SPAG16: variants seen among roughly 807,000 people sequenced by gnomAD.
SPAG16 encodes the protein sperm associated antigen 16.
A neutral mutation model predicts 80.4 loss-of-function variants in SPAG16; 86 were observed. That is an observed-to-expected ratio of 1.07 (90% confidence interval 0.90 to 1.28). The LOEUF is 1.28. Ranked by LOEUF, SPAG16 falls within the 50% of genes most tolerant of loss-of-function variation. The probability of loss-of-function intolerance (pLI) is 0.00; values close to 1 mark genes in which losing one functional copy is unlikely to be tolerated. For missense variants in SPAG16, 870 were observed against 765.3 expected (o/e 1.14, Z -1.61); for synonymous variants, 294 against 265.9 (o/e 1.11, Z -1.03).
At chr2:213,362,972 T>A (rs1409840507) in intron 7 of SPAG16, among the ~76,000 whole-genome samples, 1 of 152,082 alleles carries the variant, frequency 6.6e-6, no homozygotes, top group Non-Finnish European at 1.5e-5. Context: ...ATCCAAACTA[T>A]ATCAGTCTGA....
chr2:213,411,728 G>A (rs909279368), intron 9 of SPAG16, among the ~76,000 whole-genome samples: 2 of 152,066 alleles, frequency 1.3e-5, no homozygotes, highest in East Asian at 1.9e-4. Flanking sequence ...CCTCGCAGCC[G>A]TAATAGGTGT....
intron 11 of SPAG16, among the ~76,000 whole-genome samples, chr2:213,913,031 T>A (rs1053478723): frequency 6.6e-6 from 1 of 152,128 alleles, no homozygotes; most frequent in Admixed American, 6.6e-5. Flanking sequence ...CACTATCTGT[T>A]TTTCTAAACA....
intron 13 of SPAG16, among the ~76,000 whole-genome samples, chr2:214,103,394 G>A (rs7561816): frequency 0.65 from 99,199 of 151,996 alleles, 32,758 homozygotes; most frequent in African/African-American, 0.71. Flanking sequence ...ACATGGCCAC[G>A]CCTGACCTCT....
At chr2:213,287,085 A>G (rs369002570) in intron 1 of SPAG16, among the ~76,000 whole-genome samples, 25 of 151,882 alleles carry the variant, frequency 1.6e-4, no homozygotes, top group Middle Eastern at 3.4e-3. Flanking sequence ...ACAAATATAC[A>G]TTGTTCTTAG....
At chr2:213,832,967 T>A (rs2073760969) in intron 10 of SPAG16, among the ~76,000 whole-genome samples, 1 of 152,162 alleles carries the variant, frequency 6.6e-6, no homozygotes, top group Non-Finnish European at 1.5e-5. Flanking sequence ...CAAATTTTAA[T>A]TCTGCTATGA....
intron 15 of SPAG16, among the ~76,000 whole-genome samples, chr2:214,277,296 G>A (rs546619202): frequency 1.7e-4 from 26 of 152,210 alleles, no homozygotes; most frequent in East Asian, 1.5e-3. Flanking sequence ...CCGTCAACTC[G>A]TCAAAGTTAT....
chr2:213,519,560 C>A (rs1426097671), intron 10 of SPAG16, among the ~76,000 whole-genome samples: 2 of 152,154 alleles, frequency 1.3e-5, no homozygotes, highest in Non-Finnish European at 2.9e-5. Context: ...GTGAGTCTTC[C>A]CCAGCCATAT....
intron 13 of SPAG16, among the ~76,000 whole-genome samples, chr2:214,069,870 A>G (rs1482786847): frequency 1.3e-5 from 2 of 152,136 alleles, no homozygotes; most frequent in Non-Finnish European, 2.9e-5. Context: ...ACAAATGCTT[A>G]GGATAATTAG....
At chr2:213,825,471 A>G (rs1267479282) in intron 10 of SPAG16, among the ~76,000 whole-genome samples, 1 of 152,102 alleles carries the variant, frequency 6.6e-6, no homozygotes, top group African/African-American at 2.4e-5. Flanking sequence ...TTCAGCATCA[A>G]TTGAAATGAT....
In SPAG16 at chr2:214,196,441, G is replaced by A. The variant is rs555225075; in HGVS notation, c.1720+47175G>A. On this transcript the variant is annotated intron_variant, in intron 15 of 15. Transcript: ENST00000331683. ...AAGATAGTAGACACAGAGGCCATCCGTATTGACTGTTTAATAGTTCAGGGA... is the reference window on the plus strand; with the variant it reads ...AAGATAGTAGACACAGAGGCCATCCATATTGACTGTTTAATAGTTCAGGGA... Among the ~76,000 whole-genome samples, 12 of 152,080 alleles carry A rather than the reference G, an allele frequency of 7.9e-5. No individual in the cohort carries two copies. In the East Asian group the frequency reaches 1.4e-3, roughly 17 times the overall value.
chr2:213,749,044 G>A (rs974349368), intron 10 of SPAG16, among the ~76,000 whole-genome samples: 2 of 152,084 alleles, frequency 1.3e-5, no homozygotes, highest in Non-Finnish European at 2.9e-5. Flanking sequence ...CTACTCAGGA[G>A]GCTGAGGCAG....
intron 4 of SPAG16, among the ~76,000 whole-genome samples, chr2:213,314,387 A>G (rs2063319944): frequency 6.9e-6 from 1 of 144,334 alleles, no homozygotes; most frequent in African/African-American, 2.5e-5. Flanking sequence ...AAGTCAGGAT[A>G]TTTGTTAAAA....
chr2:213,604,687 C>G (rs1054123785), intron 10 of SPAG16, among the ~76,000 whole-genome samples: 3 of 151,730 alleles, frequency 2.0e-5, no homozygotes, highest in African/African-American at 7.3e-5. Flanking sequence ...GTTTTTTTCT[C>G]TTTTACCTTT....
chr2:213,879,762 A>G (rs530188248), intron 11 of SPAG16, among the ~76,000 whole-genome samples: 91 of 152,102 alleles, frequency 6.0e-4, no homozygotes, highest in African/African-American at 2.0e-3. Flanking sequence ...GCATTGGTTC[A>G]CTTTGGATTA....
chr2:213,442,624 T>C (rs941583065), intron 9 of SPAG16, among the ~76,000 whole-genome samples: 5 of 152,146 alleles, frequency 3.3e-5, no homozygotes, highest in Non-Finnish European at 7.4e-5. Context: ...CACACAAATA[T>C]AGTCAATTGA....
At chr2:214,155,672 TA>T (rs1390010801) in intron 15 of SPAG16, among the ~76,000 whole-genome samples, 1 of 152,086 alleles carries the variant, frequency 6.6e-6, no homozygotes, top group Non-Finnish European at 1.5e-5. Flanking sequence ...GCTCTTTACA[TA>T]AAAATAAAAT....
intron 12 of SPAG16, among the ~76,000 whole-genome samples, chr2:213,991,591 C>T (rs76450762): frequency 0.067 from 10,163 of 152,178 alleles, 484 homozygotes; most frequent in African/African-American, 0.13. Context: ...ACTTGTCCCA[C>T]GCTGCATTTC....
intron 14 of SPAG16, among the ~76,000 whole-genome samples, chr2:214,129,159 T>C (rs1443489843): frequency 1.3e-5 from 2 of 152,148 alleles, no homozygotes; most frequent in East Asian, 3.9e-4. Flanking sequence ...CAGGGTTTTC[T>C]CTGTGCAACT....
intron 11 of SPAG16, among the ~76,000 whole-genome samples, chr2:213,863,003 A>G (rs891417544): frequency 2.6e-5 from 4 of 152,204 alleles, no homozygotes; most frequent in African/African-American, 9.6e-5. Context: ...GAATTAATTT[A>G]TGTACCAAAA....
Sources: gnomAD v4.1 joint callset for allele counts (sites outside exome capture counted in the v4.1 genomes callset) on GRCh38, gnomAD v4.1.1 for gene constraint, MANE v1.5 for transcripts, NCBI Gene and HGNC (gene_info 2026-07-23, HGNC 2026-07-21) for gene names.